The following NBAS variants were observed in gnomAD, a reference collection of about 807,000 sequenced individuals.
The protein encoded by NBAS is NBAS subunit of NRZ tethering complex, also known as NAG/BC035112 fusion.
A neutral mutation model predicts 302.5 loss-of-function variants in NBAS; 219 were observed. That is an observed-to-expected ratio of 0.72 (90% CI 0.65 to 0.81). The LOEUF (loss-of-function observed/expected upper bound fraction) is 0.81. Ranked by LOEUF, NBAS falls within the 30% of genes least tolerant of loss-of-function variation. The pLI, the probability that NBAS is intolerant of heterozygous loss-of-function variation, is 0.00. For missense variants in NBAS, 2,932 were observed against 2,841.6 expected (o/e 1.03, Z -0.72); for synonymous variants, 1,118 against 1,021.6 (o/e 1.09, Z -1.80).
intron 44 of NBAS, among the ~76,000 whole-genome samples, chr2:15,264,346 G>A (rs186540752): frequency 1.0e-3 from 155 of 152,322 alleles, no homozygotes; most frequent in Middle Eastern, 3.4e-3. Context: ...AGGAAGGAGA[G>A]TGTATTCCTT....
At chr2:15,328,403 G>A in intron 36 of NBAS, 91 bp from the exon 37 acceptor site, 4 of 1,100,272 alleles carry the variant, frequency 3.6e-6, no homozygotes, top group Admixed American at 1.8e-5. Flanking sequence ...AGGGAGAGAG[G>A]GAGGAAGAAA....
chr2:15,135,162 G>T, the NBAS span, among the ~76,000 whole-genome samples: 2 of 152,124 alleles, frequency 1.3e-5, no homozygotes, highest in Non-Finnish European at 2.9e-5. Context: ...TTACGCAATA[G>T]ATTTCCTAAG....
the NBAS span, among the ~76,000 whole-genome samples, chr2:14,946,681 T>C: frequency 6.6e-6 from 1 of 152,180 alleles, no homozygotes; most frequent in East Asian, 1.9e-4. Flanking sequence ...CTAGACCTAA[T>C]AGACCTAACT....
intron 9 of NBAS, among the ~76,000 whole-genome samples, chr2:15,526,551 TTC>T (rs919668334): frequency 6.6e-6 from 1 of 152,168 alleles, no homozygotes; most frequent in Non-Finnish European, 1.5e-5. Flanking sequence ...ATATTTCAGC[TTC>T]TTTCATTTAA....
At chr2:15,056,808 C>T in the NBAS span, among the ~76,000 whole-genome samples, 2 of 150,556 alleles carry the variant, frequency 1.3e-5, no homozygotes, top group Non-Finnish European at 1.5e-5. Flanking sequence ...AGACCCAGCC[C>T]TAATTTCCCT....
chr2:14,865,857 G>T, the NBAS span, among the ~76,000 whole-genome samples: 2 of 152,058 alleles, frequency 1.3e-5, no homozygotes, highest in Non-Finnish European at 2.9e-5. Flanking sequence ...GAAGCTTGGA[G>T]AGTTTCTTAA....
intron 50 of NBAS, among the ~76,000 whole-genome samples, chr2:15,185,129 T>C (rs1411039975): frequency 6.6e-6 from 1 of 152,184 alleles, no homozygotes; most frequent in Non-Finnish European, 1.5e-5. Flanking sequence ...GAGACTTGAT[T>C]TGAAGATCAG....
the NBAS span, among the ~76,000 whole-genome samples, chr2:14,800,785 G>GTTTTTTTTTT: frequency 2.3e-5 from 3 of 129,526 alleles, 1 homozygote; most frequent in Admixed American, 7.4e-5. Flanking sequence ...GATTTAAATT[G>GTTTTTTTTTT]TTTTTGTTTT....
At chr2:15,333,840 T>TA (rs554151194) in intron 35 of NBAS, among the ~76,000 whole-genome samples, 4,533 of 92,386 alleles carry the variant, frequency 0.049, 157 homozygotes, top group East Asian at 0.12. Context: ...ACAGTGGAGG[T>TA]AAAAAAAAAA....
the NBAS span, among the ~76,000 whole-genome samples, chr2:15,117,127 T>A: frequency 6.6e-6 from 1 of 152,130 alleles, no homozygotes; most frequent in South Asian, 2.1e-4. Flanking sequence ...CTGTCTGACA[T>A]ACCTGGCAGA....
chr2:15,352,015 A>G lies in NBAS; in HGVS notation c.4156T>C (p.Leu1386=), dbSNP rs2148298660. Reference sequence around the variant, plus strand: ...ACCTCTTGTACTGCTTTACTAGTTAATGGTGAAGCACTGATATTTTCCCCT... The same window carrying G: ...ACCTCTTGTACTGCTTTACTAGTTAGTGGTGAAGCACTGATATTTTCCCCT... ...EGGENISASP[L]TSKAVQEDEV... The change falls in exon 35 of 52, where the codon TTA becomes CTA. Residue 1386 remains leucine (L), a synonymous_variant. Coordinates refer to ENST00000281513, the MANE Select transcript of NBAS (RefSeq NM_015909.4). The G allele has an allele frequency of 6.2e-7, 1 of 1,611,020 alleles. No individual in the cohort carries two copies. Among genetic ancestry groups the G allele is most frequent in the South Asian group, 1.1e-5 (1 of 91,026 alleles).
the NBAS span, among the ~76,000 whole-genome samples, chr2:14,824,231 T>C: frequency 6.6e-6 from 1 of 152,228 alleles, no homozygotes; most frequent in South Asian, 2.1e-4. Flanking sequence ...GATTTCAGAC[T>C]GTGCAACAAA....
chr2:15,144,759 A>G, the NBAS span, among the ~76,000 whole-genome samples: 1 of 152,228 alleles, frequency 6.6e-6, no homozygotes, highest in African/African-American at 2.4e-5. Flanking sequence ...TTGCCAACTC[A>G]GAAACAGTCC....
chr2:15,067,086 G>C, the NBAS span, among the ~76,000 whole-genome samples: 1 of 147,714 alleles, frequency 6.8e-6, no homozygotes, highest in African/African-American at 2.5e-5. Context: ...ACTTTGGGAG[G>C]CCAAGGCGGG....
the NBAS span, among the ~76,000 whole-genome samples, chr2:15,000,963 C>T: frequency 3.9e-5 from 6 of 152,178 alleles, no homozygotes; most frequent in Admixed American, 2.0e-4. Context: ...CGACACACCA[C>T]ACAGCCAGTA....
chr2:15,193,435 C>T (rs895302123), intron 48 of NBAS, among the ~76,000 whole-genome samples: 1 of 152,090 alleles, frequency 6.6e-6, no homozygotes, highest in Non-Finnish European at 1.5e-5. Context: ...TGGACTTCAG[C>T]ACATATTTTT....
At chr2:14,818,967 A>C in the NBAS span, among the ~76,000 whole-genome samples, 1 of 152,192 alleles carries the variant, frequency 6.6e-6, no homozygotes, top group Non-Finnish European at 1.5e-5. Context: ...ATTCTTCAAG[A>C]CTAAGATCAA....
chr2:15,255,768 C>A (rs1355229706), intron 44 of NBAS, among the ~76,000 whole-genome samples: 1 of 152,114 alleles, frequency 6.6e-6, no homozygotes, highest in East Asian at 1.9e-4. Context: ...CTACAGGTGG[C>A]TTGCCAATGA....
chr2:15,518,595 A>C (rs534358993), intron 9 of NBAS, among the ~76,000 whole-genome samples: 2 of 152,368 alleles, frequency 1.3e-5, no homozygotes, highest in African/African-American at 2.4e-5. Flanking sequence ...GGAATGAATT[A>C]GCAAAACTTT....
Sources: allele counts gnomAD v4.1 joint callset (sites outside exome capture counted in the v4.1 genomes callset), GRCh38; gene constraint gnomAD v4.1.1; transcripts MANE v1.5; gene names NCBI Gene and HGNC (gene_info 2026-07-23, HGNC 2026-07-21).